STK35: variants seen among roughly 807,000 people sequenced by gnomAD.
STK35 encodes serine/threonine-protein kinase 35.
A neutral mutation model predicts 37.3 loss-of-function variants in STK35; 17 were observed. The observed-to-expected ratio is 0.46, with a 90% CI of 0.31 to 0.68. The LOEUF (loss-of-function observed/expected upper bound fraction) is 0.68, where lower values mean the gene tolerates loss of function less well. Among genes scored for constraint, STK35 ranks in the 30% least tolerant of loss-of-function variants. The probability of loss-of-function intolerance (pLI) is 0.05; values close to 1 mark genes in which losing one functional copy is unlikely to be tolerated. For missense variants in STK35, 595 were observed against 746.7 expected (o/e 0.80, Z 2.37); for synonymous variants, 385 against 319.1 (o/e 1.21, Z -2.20).
intron 1 of STK35, among the ~76,000 whole-genome samples, chr20:2,102,418 T>G (rs960501001): frequency 6.6e-6 from 1 of 152,058 alleles, no homozygotes; most frequent in African/African-American, 2.4e-5. Context: ...GGGAGGAGCG[T>G]CACAGAGGGG....
intron 3 of STK35, among the ~76,000 whole-genome samples, chr20:2,128,846 G>T (rs1472049638): frequency 1.3e-5 from 2 of 152,070 alleles, no homozygotes; most frequent in Non-Finnish European, 2.9e-5. Flanking sequence ...TGGAATCTGT[G>T]GGGGGTTTTT....
chr20:2,109,329 C>T (rs1985574160), intron 2 of STK35, among the ~76,000 whole-genome samples: 1 of 152,198 alleles, frequency 6.6e-6, no homozygotes, highest in South Asian at 2.1e-4. Context: ...GATACTTGAG[C>T]CCGGACTGCC....
At chr20:2,131,112 A>G (rs1985991905) in intron 3 of STK35, among the ~76,000 whole-genome samples, 1 of 152,226 alleles carries the variant, frequency 6.6e-6, no homozygotes, top group Non-Finnish European at 1.5e-5. Flanking sequence ...CTTTGTGCAC[A>G]CATCATGGAG....
intron 3 of STK35, among the ~76,000 whole-genome samples, chr20:2,122,491 A>G (rs1420541509): frequency 1.3e-5 from 2 of 152,184 alleles, no homozygotes. Context: ...AAGGAAATGC[A>G]TTTTGGGTTG....
intron 2 of STK35, among the ~76,000 whole-genome samples, chr20:2,105,709 A>G (rs1985502059): frequency 6.6e-6 from 1 of 151,906 alleles, no homozygotes; most frequent in Non-Finnish European, 1.5e-5. Context: ...TCACTGCCTT[A>G]TATAAGTTCA....
In STK35 at chr20:2,102,001, C is replaced by G. The variant is rs1427873004; in HGVS notation, c.120C>G (p.Ala40=). The G allele has an allele frequency of 6.5e-7, 1 of 1,527,416 alleles. No homozygotes were observed. The highest frequency in any genetic ancestry group is 8.8e-7 in the Non-Finnish European group (1 of 1,142,616). 94.6% of individuals were successfully genotyped at this position (1,527,416 alleles called of 1,614,324 possible). A position where few individuals can be genotyped will look rare whatever the true frequency, so the allele number is the denominator to read the frequency against. The change falls in exon 1 of 4, where the codon GCC becomes GCG. Residue 40 remains alanine, a synonymous_variant. Transcript: ENST00000381482. ...EHVESHGSLG[A]QASPASAAAA... is the part of the protein sequence containing the mutation. ...TGGAAAGCCACGGGAGCCTAGGAGCCCAGGCTTCCCCAGCGAGCGCCGCGG... is the reference window on the plus strand; with the variant it reads ...TGGAAAGCCACGGGAGCCTAGGAGCGCAGGCTTCCCCAGCGAGCGCCGCGG...
At position 2,103,145 on chromosome 20, in the gene STK35, C is replaced by T. The variant is rs950925000; in HGVS notation, c.672C>T (p.Ser224=). Residue 224 remains serine (S), a synonymous_variant, in exon 2 of 4, where the codon AGC becomes AGT. Transcript: ENST00000381482. ...TTTATGAGGCAGTGGCCGGGCGCAG[C>T]GGGGCCCGGGTGGCGGTCAAGAAGA... ...GVVYEAVAGR[S]GARVAVKKIR... 2.5e-6 allele frequency: 4 copies of T among 1,604,632 alleles called. No individual in the cohort carries two copies. The highest frequency in any genetic ancestry group is 2.7e-5 in the African/African-American group (2 of 74,794).
At chr20:2,137,442 G>A (rs968833262) in intron 3 of STK35, among the ~76,000 whole-genome samples, 12 of 152,230 alleles carry the variant, frequency 7.9e-5, no homozygotes, top group Non-Finnish European at 1.2e-4. Flanking sequence ...TGGTCTCCTG[G>A]TCAGGGCTCA....
chr20:2,135,145 T>G (rs1451460266), intron 3 of STK35, among the ~76,000 whole-genome samples: 1 of 152,238 alleles, frequency 6.6e-6, no homozygotes, highest in Non-Finnish European at 1.5e-5. Context: ...CTTCCCGTGT[T>G]TCACTTCAGT....
At chr20:2,115,309 C>T (rs1469994054) in intron 2 of STK35, among the ~76,000 whole-genome samples, 1 of 152,132 alleles carries the variant, frequency 6.6e-6, no homozygotes. Context: ...ACCTAGATCA[C>T]TCGTTTTCTT....
chr20:2,117,321 C>T lies in STK35; in HGVS notation c.1548C>T (p.Asp516=), dbSNP rs1299083641. The T allele has an allele frequency of 6.2e-7, 1 of 1,614,102 alleles. No individual in the cohort carries two copies. Among genetic ancestry groups the T allele is most frequent in the Non-Finnish European group, 8.5e-7 (1 of 1,179,952 alleles). The change falls in exon 3 of 4, where the codon GAC becomes GAT. Residue 516 remains aspartate, a synonymous_variant. Coordinates refer to ENST00000381482, the MANE Select transcript of STK35 (RefSeq NM_080836.4). The surrounding 1 kb of genome is among the most constrained non-coding windows in gnomAD (Gnocchi z 4.4). ...LKDMLAANPQ[D]RPDAFELETR... is the part of the protein sequence containing the mutation. ...ATATGTTAGCTGCTAACCCACAGGACCGGCCTGATGCCTTTGAACTTGAAA... is the reference window on the plus strand; with the variant it reads ...ATATGTTAGCTGCTAACCCACAGGATCGGCCTGATGCCTTTGAACTTGAAA...
intron 2 of STK35, among the ~76,000 whole-genome samples, chr20:2,106,896 G>C (rs984765573): frequency 3.3e-5 from 5 of 152,196 alleles, no homozygotes; most frequent in African/African-American, 1.2e-4. Flanking sequence ...TCACAAGGAA[G>C]GAAACTGAAG....
chr20:2,123,141 C>G (rs1985848008), intron 3 of STK35, among the ~76,000 whole-genome samples: 1 of 152,136 alleles, frequency 6.6e-6, no homozygotes, highest in African/African-American at 2.4e-5. Flanking sequence ...ATATACAAAC[C>G]TCCGTTACTA....
chr20:2,116,140 T>C (rs987855657), intron 2 of STK35, among the ~76,000 whole-genome samples: 2 of 152,150 alleles, frequency 1.3e-5, no homozygotes, highest in African/African-American at 4.8e-5. Flanking sequence ...TGGATCGGAC[T>C]GTGCCTCTGA....
At chr20:2,121,663 G>C (rs2122560553) in intron 3 of STK35, among the ~76,000 whole-genome samples, 2 of 152,270 alleles carry the variant, frequency 1.3e-5, no homozygotes, top group South Asian at 4.1e-4. Flanking sequence ...ATAGACAAGA[G>C]GAGGTCAGAG....
At chr20:2,103,420 G>A (rs1985448679) in intron 2 of STK35, 55 bp downstream of exon 2, 3 of 1,539,402 alleles carry the variant, frequency 1.9e-6, no homozygotes, top group Non-Finnish European at 2.6e-6. Context: ...CCTGCTCTCC[G>A]GACGGCTTGG....
rs139647517 is a variant in STK35 at position 2,145,352 on chromosome 20, T to C, written c.*1606T>C. On this transcript the variant is annotated 3_prime_UTR_variant, in exon 4 of 4. Transcript: ENST00000381482. ...TTTGTGTTCATTTTTGTTTTCTGTT[T>C]CACCTAAACCAGCATAGGATTGATA... 1,213 of 152,402 alleles carry C rather than the reference T, an allele frequency of 8.0e-3. 8 individuals carry two copies. The highest frequency in any genetic ancestry group is 0.013 in the Non-Finnish European group (874 of 68,094). The allele number at this position is 152,402 out of a possible 1,614,324, so 9.4% of individuals were successfully genotyped here. A position where few individuals can be genotyped will look rare whatever the true frequency, so the allele number is the denominator to read the frequency against.
intron 3 of STK35, among the ~76,000 whole-genome samples, chr20:2,134,550 C>T (rs1447117404): frequency 1.3e-5 from 2 of 152,156 alleles, no homozygotes; most frequent in Non-Finnish European, 2.9e-5. Context: ...ATTCTTTGTG[C>T]CATGTTCCTT....
At chr20:2,106,449 AC>A (rs1429044681) in intron 2 of STK35, among the ~76,000 whole-genome samples, 1 of 152,220 alleles carries the variant, frequency 6.6e-6, no homozygotes, top group African/African-American at 2.4e-5. Flanking sequence ...GCAAAGCAAA[AC>A]ACACCACCCC....
Sources: allele counts gnomAD v4.1 joint callset (sites outside exome capture counted in the v4.1 genomes callset), GRCh38; gene constraint gnomAD v4.1.1; non-coding constraint Gnocchi (gnomAD v3.1); transcripts MANE v1.5; gene names NCBI Gene and HGNC (gene_info 2026-07-23, HGNC 2026-07-21).